MIB1: variants seen among roughly 807,000 people sequenced by gnomAD.
The protein encoded by MIB1 is MIB E3 ubiquitin protein ligase 1.
A neutral mutation model predicts 124.5 loss-of-function variants in MIB1; 278 were observed. The observed-to-expected ratio is 2.23, with a 90% CI of 2.02 to 2.47. The LOEUF (loss-of-function observed/expected upper bound fraction) is 2.47. MIB1 is among the 30% of genes most tolerant of loss of function. The pLI, the probability that MIB1 is intolerant of heterozygous loss-of-function variation, is 0.00. For missense variants in MIB1, 957 were observed against 1,254.4 expected, an observed-to-expected ratio of 0.76 and a Z score of 3.58; for synonymous variants, 446 against 429.4, an observed-to-expected ratio of 1.04 and a Z score of -0.48.
rs200252680 is a variant in MIB1 at position 21,798,234 on chromosome 18, T to C, written c.1237+6T>C. On this transcript the variant is annotated splice_donor_region_variant and intron_variant, in intron 8 of 20. Coordinates refer to ENST00000261537, the MANE Select transcript of MIB1 (RefSeq NM_020774.4). ...CATTAGCAATGCATCTGGTGGTATGTTTTATATTGTGTTTCTTTAAGAGTA... is the reference window on the plus strand; with the variant it reads ...CATTAGCAATGCATCTGGTGGTATGCTTTATATTGTGTTTCTTTAAGAGTA... 107 of 1,612,338 alleles carry C rather than the reference T, an allele frequency of 6.6e-5. No individual in the cohort carries two copies. The highest frequency in any genetic ancestry group is 8.9e-5 in the Non-Finnish European group (105 of 1,178,818).
intron 11 of MIB1, among the ~76,000 whole-genome samples, chr18:21,819,193 G>A (rs532445734): frequency 4.6e-5 from 7 of 152,020 alleles, no homozygotes; most frequent in African/African-American, 1.2e-4. Flanking sequence ...GCACACCGCC[G>A]TGCCCGGCTA....
intron 6 of MIB1, among the ~76,000 whole-genome samples, chr18:21,783,005 T>A (rs779808729): frequency 2.6e-5 from 4 of 152,198 alleles, no homozygotes; most frequent in Admixed American, 1.3e-4. Context: ...AATTGACCAC[T>A]TTATTATTAT....
rs1404000824 is a variant in MIB1 at position 21,815,725 on chromosome 18, G to T, written c.1589G>T (p.Arg530Leu). 3 of 1,613,940 alleles carry T rather than the reference G, an allele frequency of 1.9e-6. No homozygotes were observed. The highest frequency in any genetic ancestry group is 2.5e-6 in the Non-Finnish European group (3 of 1,180,004). The change falls in exon 11 of 21, where the codon CGA becomes CTA. Residue 530 changes from arginine (R) to leucine (L), a missense_variant. By Grantham distance (102) the Arg-to-Leu change is moderately radical (BLOSUM62 -2). Transcript: ENST00000261537. Reference sequence around the variant, plus strand: ...GATTTGAATGCTCGAAACAAGCGCCGACAGACACCACTTCATATTGCTGTC... The same window carrying T: ...GATTTGAATGCTCGAAACAAGCGCCTACAGACACCACTTCATATTGCTGTC... ...SADLNARNKR[R>L]QTPLHIAVNK...
chr18:21,771,050 A>G (rs1326592431), intron 3 of MIB1, among the ~76,000 whole-genome samples: 1 of 152,228 alleles, frequency 6.6e-6, no homozygotes, highest in East Asian at 1.9e-4. Flanking sequence ...AAAGGGGCAC[A>G]TAAAGTCTGA....
intron 7 of MIB1, among the ~76,000 whole-genome samples, chr18:21,795,813 T>C (rs548270608): frequency 1.3e-5 from 2 of 152,294 alleles, no homozygotes; most frequent in East Asian, 1.9e-4. Context: ...TTTAACACTT[T>C]TCAGAAATCT....
intron 11 of MIB1, among the ~76,000 whole-genome samples, chr18:21,817,357 T>C (rs1779229132): frequency 1.3e-5 from 2 of 151,978 alleles, no homozygotes; most frequent in Non-Finnish European, 2.9e-5. Context: ...ACTTCTGGTC[T>C]CAAGCAATCT....
In MIB1 at chr18:21,773,619, G is replaced by C; in HGVS notation, c.532-5G>C. 6.3e-7 allele frequency: 1 copy of C among 1,598,950 alleles called. No individual in the cohort carries two copies. ...AACTTCTTTTCTCAAAAACTATTCT[G>C]TTAGGTAACAGAAATCCAGGACTGG... On this transcript the variant is annotated splice_polypyrimidine_tract_variant and splice_region_variant and intron_variant, in intron 3 of 20. Coordinates refer to ENST00000261537, the MANE Select transcript of MIB1 (RefSeq NM_020774.4).
Position 21,771,987 on chromosome 18 carries a change from C to CA in MIB1, c.532-1626dup, listed in dbSNP as rs545732445. On this transcript the variant is annotated intron_variant, in intron 3 of 20. Coordinates refer to ENST00000261537, the MANE Select transcript of MIB1 (RefSeq NM_020774.4). ...TGCACTCCAGCCTGGGTGACAAGAG[C>CA]AAAAAAAAAAATTTACATATGCTGT... Among the ~76,000 whole-genome samples the CA allele has an allele frequency of 8.1e-3, 1,158 of 142,602 alleles. 6 individuals carry two copies. Among genetic ancestry groups the CA allele is most frequent in the Middle Eastern group, 0.018 (5 of 278 alleles). The allele number at this position is 142,602 out of a possible 152,430, so 93.6% of individuals were successfully genotyped here. A position where few individuals can be genotyped will look rare whatever the true frequency, so the allele number is the denominator to read the frequency against.
chr18:21,724,723 AAAAAATATATATATATATATATATAT>A (rs1459235303), intron 1 of MIB1, among the ~76,000 whole-genome samples: 9 of 53,868 alleles, frequency 1.7e-4, no homozygotes, highest in East Asian at 1.0e-3. Context: ...AAAAAAAAAA[AAAAAATATATATATATATATATATAT>A]ATATATATAT....
At chr18:21,779,390 TA>T in intron 5 of MIB1, 90 bp from the exon 6 acceptor site, 1 of 1,040,408 alleles carries the variant, frequency 9.6e-7, no homozygotes, top group Non-Finnish European at 1.5e-6. Context: ...TACCTGAAAC[TA>T]AAATATCTAC....
intron 16 of MIB1, among the ~76,000 whole-genome samples, chr18:21,848,554 T>A (rs555790612): frequency 6.6e-6 from 1 of 152,356 alleles, no homozygotes; most frequent in South Asian, 2.1e-4. Context: ...GTACGTGTTG[T>A]GTACGTGTTC....
At chr18:21,768,305 A>G (rs1384206276) in intron 2 of MIB1, among the ~76,000 whole-genome samples, 2 of 152,186 alleles carry the variant, frequency 1.3e-5, no homozygotes, top group Non-Finnish European at 2.9e-5. Flanking sequence ...CAGTTTCCTC[A>G]TTTATAAAGT....
chr18:21,782,610 T>C (rs955422208), intron 6 of MIB1, among the ~76,000 whole-genome samples: 3 of 152,188 alleles, frequency 2.0e-5, no homozygotes, highest in African/African-American at 7.2e-5. Context: ...TCTAGTGTTA[T>C]TGCATTGTGG....
chr18:21,830,124 TG>T (rs1164920474), intron 12 of MIB1, among the ~76,000 whole-genome samples: 1 of 152,070 alleles, frequency 6.6e-6, no homozygotes, highest in African/African-American at 2.4e-5. Flanking sequence ...CAAATCAGAA[TG>T]TAGCAGTAGA....
intron 10 of MIB1, among the ~76,000 whole-genome samples, chr18:21,804,249 G>A (rs2041680233): frequency 6.6e-6 from 1 of 152,176 alleles, no homozygotes; most frequent in African/African-American, 2.4e-5. Flanking sequence ...TTACTGTGGT[G>A]TAACCATCAT....
intron 18 of MIB1, 23 bp downstream of exon 18, chr18:21,853,241 C>T (rs2042197072): frequency 6.7e-7 from 1 of 1,495,614 alleles, no homozygotes; most frequent in East Asian, 2.3e-5. Context: ...TGCAGAGTTC[C>T]TCAATATTAT....
At chr18:21,766,194 A>G (rs527524437) in intron 2 of MIB1, among the ~76,000 whole-genome samples, 4 of 152,026 alleles carry the variant, frequency 2.6e-5, no homozygotes, top group African/African-American at 9.7e-5. Context: ...GGTTAGCACT[A>G]CTCTACATTT....
chr18:21,754,663 A>T (rs1035152994), intron 1 of MIB1, among the ~76,000 whole-genome samples: 2 of 152,186 alleles, frequency 1.3e-5, no homozygotes, highest in African/African-American at 2.4e-5. Flanking sequence ...AAAAAATCCT[A>T]TGCTGAGGAT....
rs866104352 is a variant in MIB1 at position 21,764,007 on chromosome 18, A to C, written c.230-1765A>C. 3.9e-5 allele frequency among the ~76,000 whole-genome samples: 6 copies of C among 151,940 alleles called. No individual in the cohort carries two copies. In the South Asian group the frequency reaches 1.0e-3, roughly 26 times the overall value. On this transcript the variant is annotated intron_variant, in intron 1 of 20. Transcript: ENST00000261537. ...GTGCAGTGGCATGAACATGGCTCTA[A>C]GAGTGATACTTGAAAGCAGCAGAGG...
Sources: allele counts gnomAD v4.1 joint callset (sites outside exome capture counted in the v4.1 genomes callset), GRCh38; gene constraint gnomAD v4.1.1; transcripts MANE v1.5; gene names NCBI Gene and HGNC (gene_info 2026-07-23, HGNC 2026-07-21).